ADK: variants seen among roughly 807,000 people sequenced by gnomAD.
The protein encoded by ADK is adenosine kinase.
ADK carries 24 observed loss-of-function variants against 44.7 expected under a neutral mutation model. The observed-to-expected ratio is 0.54, with a 90% CI of 0.39 to 0.76. The LOEUF is 0.76. Among genes scored for constraint, ADK ranks in the 30% least tolerant of loss-of-function variants. ADK has a pLI of 0.00. For synonymous variants in ADK, 128 were observed against 142.6 expected (o/e 0.90, Z 0.73); for missense variants, 321 against 425.1 (o/e 0.76, Z 2.15).
At chr10:74,676,105 TTTAC>T (rs1303966108) in intron 10 of ADK, among the ~76,000 whole-genome samples, 1 of 151,978 alleles carries the variant, frequency 6.6e-6, no homozygotes, top group Non-Finnish European at 1.5e-5. Flanking sequence ...ATTAGAAGAT[TTTAC>T]TTTGTTGGTT....
intron 9 of ADK, among the ~76,000 whole-genome samples, chr10:74,616,558 G>A (rs891794567): frequency 1.3e-4 from 20 of 151,984 alleles, no homozygotes; most frequent in Middle Eastern, 3.4e-3. Context: ...TCTTTTTTTA[G>A]GCTATTTCAT....
At chr10:74,692,892 T>C (rs1856043972) in intron 10 of ADK, among the ~76,000 whole-genome samples, 1 of 152,156 alleles carries the variant, frequency 6.6e-6, no homozygotes, top group South Asian at 2.1e-4. Flanking sequence ...TCTCAGAATA[T>C]ATCCCCGTTG....
intron 6 of ADK, among the ~76,000 whole-genome samples, chr10:74,418,071 A>C (rs1333113988): frequency 6.6e-6 from 1 of 152,166 alleles, no homozygotes; most frequent in East Asian, 1.9e-4. Flanking sequence ...AAATTTTAGC[A>C]AACTATTCTG....
intron 1 of ADK, among the ~76,000 whole-genome samples, chr10:74,191,579 T>C (rs1842953526): frequency 6.6e-6 from 1 of 152,108 alleles, no homozygotes; most frequent in Admixed American, 6.5e-5. Context: ...TCTGTTTTTA[T>C]ATCCTGTTCC....
intron 6 of ADK, among the ~76,000 whole-genome samples, chr10:74,439,297 T>C (rs893259348): frequency 6.6e-6 from 1 of 150,848 alleles, no homozygotes; most frequent in African/African-American, 2.4e-5. Flanking sequence ...AATATTTTCC[T>C]TCAGTAAAAG....
At chr10:74,543,613 T>G (rs1194481764) in intron 7 of ADK, among the ~76,000 whole-genome samples, 6 of 152,208 alleles carry the variant, frequency 3.9e-5, no homozygotes, top group African/African-American at 1.4e-4. Context: ...CCAAAATAAT[T>G]AGAAATGTTT....
At chr10:74,509,919 C>T (rs967805636) in intron 6 of ADK, among the ~76,000 whole-genome samples, 28 of 152,240 alleles carry the variant, frequency 1.8e-4, no homozygotes, top group Admixed American at 1.8e-3. Flanking sequence ...GGATTTTATG[C>T]TTTTTTATGG....
intron 3 of ADK, among the ~76,000 whole-genome samples, chr10:74,282,315 T>C (rs1470582226): frequency 6.6e-6 from 1 of 152,240 alleles, no homozygotes; most frequent in Non-Finnish European, 1.5e-5. Flanking sequence ...GATGAAGTTG[T>C]AAATTAATAC....
rs12411935 is a variant in ADK at position 74,263,128 on chromosome 10, G to A, written c.194+38537G>A. Reference sequence around the variant, plus strand: ...AATAGCAAAGTTTTCTCCCTGCCTCGTCTCCCACCCCAAATATTTGATTTC... The same window carrying A: ...AATAGCAAAGTTTTCTCCCTGCCTCATCTCCCACCCCAAATATTTGATTTC... On this transcript the variant is annotated intron_variant, in intron 3 of 10. Coordinates refer to ENST00000539909, the MANE Select transcript of ADK (RefSeq NM_006721.4). 1.7e-3 allele frequency among the ~76,000 whole-genome samples: 266 copies of A among 152,190 alleles called. 3 individuals are homozygous for A. The highest frequency in any genetic ancestry group is 0.017 in the East Asian group (90 of 5,186).
chr10:74,630,520 C>T (rs750369193), intron 9 of ADK, among the ~76,000 whole-genome samples: 4 of 151,660 alleles, frequency 2.6e-5, no homozygotes, highest in Non-Finnish European at 5.9e-5. Context: ...CTGATGTTTC[C>T]CTGTGATAAA....
At chr10:74,325,979 G>A (rs1408131826) in intron 4 of ADK, among the ~76,000 whole-genome samples, 1 of 152,064 alleles carries the variant, frequency 6.6e-6, no homozygotes, top group Non-Finnish European at 1.5e-5. Context: ...GGGATTACAG[G>A]CACCAACCAC....
intron 1 of ADK, among the ~76,000 whole-genome samples, chr10:74,175,985 T>A (rs1842324154): frequency 6.1e-5 from 1 of 16,450 alleles, no homozygotes; most frequent in African/African-American, 4.5e-4. Context: ...CTTAGATTCT[T>A]TTTTTTTTAT....
chr10:74,473,543 T>G (rs991973428), intron 6 of ADK, among the ~76,000 whole-genome samples: 4 of 152,256 alleles, frequency 2.6e-5, no homozygotes, highest in African/African-American at 4.8e-5. Context: ...TTGACACTTA[T>G]GAAGAGTAGA....
intron 7 of ADK, chr10:74,527,625 A>T (rs767553751): frequency 1.0e-5 from 8 of 794,534 alleles, no homozygotes; most frequent in Non-Finnish European, 1.8e-5. Context: ...GAGCAGCTTC[A>T]GGAATCTTAT....
chr10:74,674,891 A>T (rs1855328900), intron 10 of ADK, among the ~76,000 whole-genome samples: 1 of 151,620 alleles, frequency 6.6e-6, no homozygotes, highest in South Asian at 2.1e-4. Flanking sequence ...CAAAAAAATT[A>T]ATTAATTAAT....
chr10:74,679,012 G>T (rs977955448), intron 10 of ADK, among the ~76,000 whole-genome samples: 6 of 152,182 alleles, frequency 3.9e-5, no homozygotes, highest in Admixed American at 1.3e-4. Context: ...AAATCTGTGG[G>T]TTGACAGCTG....
chr10:74,556,093 A>G (rs555086491), intron 7 of ADK, among the ~76,000 whole-genome samples: 2 of 152,360 alleles, frequency 1.3e-5, no homozygotes, highest in Admixed American at 6.5e-5. Flanking sequence ...TTAAAGATAT[A>G]AATAGTAGAT....
chr10:74,445,335 T>C (rs886512678), intron 6 of ADK, among the ~76,000 whole-genome samples: 10 of 151,978 alleles, frequency 6.6e-5, no homozygotes, highest in Non-Finnish European at 1.2e-4. Flanking sequence ...CACCTTATGT[T>C]TCTTATTATT....
intron 9 of ADK, among the ~76,000 whole-genome samples, chr10:74,663,466 T>C (rs1291158419): frequency 6.6e-6 from 1 of 152,000 alleles, no homozygotes; most frequent in Non-Finnish European, 1.5e-5. Context: ...ACTAAAACTA[T>C]GGCTTTTTTG....
Sources: gnomAD v4.1 joint callset for allele counts (sites outside exome capture counted in the v4.1 genomes callset) on GRCh38, gnomAD v4.1.1 for gene constraint, MANE v1.5 for transcripts, NCBI Gene and HGNC (gene_info 2026-07-23, HGNC 2026-07-21) for gene names.